The following POU6F2 variants were observed in gnomAD, a reference collection of about 807,000 sequenced individuals.
POU6F2 encodes POU domain, class 6, transcription factor 2.
Under a neutral mutation model 71.3 loss-of-function variants are expected in POU6F2, and 31 were observed. The ratio of observed to expected loss-of-function variants is 0.43; its 90% CI spans 0.33 to 0.59. The LOEUF (loss-of-function observed/expected upper bound fraction) is 0.59. Ranked by LOEUF, POU6F2 falls within the 20% of genes least tolerant of loss-of-function variation. The pLI, the probability that POU6F2 is intolerant of heterozygous loss-of-function variation, is 0.04. For missense variants in POU6F2, 783 were observed against 856.8 expected, an observed-to-expected ratio of 0.91 and a Z score of 1.07; for synonymous variants, 347 against 355.7, an observed-to-expected ratio of 0.98 and a Z score of 0.27.
At chr7:39,048,579 G>C (rs1263444202) in intron 1 of POU6F2, among the ~76,000 whole-genome samples, 1 of 151,862 alleles carries the variant, frequency 6.6e-6, no homozygotes. Context: ...TCTTTATCCA[G>C]TCTACCGTTG....
At chr7:39,239,876 G>A (rs983558869) in intron 4 of POU6F2, among the ~76,000 whole-genome samples, 2 of 152,024 alleles carry the variant, frequency 1.3e-5, no homozygotes, top group African/African-American at 2.4e-5. Context: ...ACAAAGAGGT[G>A]GAAAACTGTG....
chr7:39,449,291 A>G (rs1295250799), intron 7 of POU6F2, among the ~76,000 whole-genome samples: 1 of 152,194 alleles, frequency 6.6e-6, no homozygotes, highest in Non-Finnish European at 1.5e-5. Flanking sequence ...ATGCCATGTG[A>G]GTAGGGGAGC....
chr7:39,038,485 C>T (rs191547612), intron 1 of POU6F2, among the ~76,000 whole-genome samples: 1 of 151,884 alleles, frequency 6.6e-6, no homozygotes, highest in Admixed American at 6.6e-5. Flanking sequence ...TAGCAAAGAC[C>T]ATTTCCCAAG....
At chr7:39,199,530 A>G (rs1407589235) in intron 2 of POU6F2, among the ~76,000 whole-genome samples, 4 of 152,056 alleles carry the variant, frequency 2.6e-5, no homozygotes, top group South Asian at 4.1e-4. Flanking sequence ...TGAACTTGCT[A>G]TGAGGAGTGC....
At chr7:39,328,164 CT>C (rs1785557297) in intron 4 of POU6F2, among the ~76,000 whole-genome samples, 1 of 152,214 alleles carries the variant, frequency 6.6e-6, no homozygotes. Flanking sequence ...CGTGATCCAC[CT>C]GCCTTGGCCT....
intron 5 of POU6F2, among the ~76,000 whole-genome samples, chr7:39,350,302 G>A (rs904459823): frequency 1.1e-4 from 17 of 152,060 alleles, no homozygotes; most frequent in African/African-American, 4.1e-4. Flanking sequence ...TGTGACTGTG[G>A]CGTTTAAAGA....
intron 5 of POU6F2, among the ~76,000 whole-genome samples, chr7:39,386,923 C>A (rs1233950869): frequency 6.6e-6 from 1 of 152,242 alleles, no homozygotes; most frequent in East Asian, 1.9e-4. Context: ...GCAGCGCCCC[C>A]TTGCATTGGG....
At chr7:39,040,281 C>A (rs999401483) in intron 1 of POU6F2, among the ~76,000 whole-genome samples, 4 of 148,968 alleles carry the variant, frequency 2.7e-5, no homozygotes, top group Non-Finnish European at 4.5e-5. Context: ...TTCTTTATTT[C>A]TACTGCCATA....
intron 6 of POU6F2, among the ~76,000 whole-genome samples, chr7:39,416,013 T>A (rs921109369): frequency 1.3e-5 from 2 of 151,526 alleles, no homozygotes; most frequent in Admixed American, 6.6e-5. Context: ...TGTCACAAAC[T>A]CCAGAACCTT....
intron 2 of POU6F2, among the ~76,000 whole-genome samples, chr7:39,193,199 AT>A (rs35323991): frequency 6.6e-6 from 1 of 152,026 alleles, no homozygotes; most frequent in East Asian, 1.9e-4. Context: ...CATTATTAAC[AT>A]TTTTTTAAAG....
chr7:39,411,242 T>C (rs924162548), intron 6 of POU6F2, among the ~76,000 whole-genome samples: 3 of 152,208 alleles, frequency 2.0e-5, no homozygotes, highest in African/African-American at 7.2e-5. Context: ...TATGTGCTCT[T>C]AACACTTATT....
chr7:39,401,915 C>T (rs1484260935), intron 5 of POU6F2, among the ~76,000 whole-genome samples: 1 of 152,174 alleles, frequency 6.6e-6, no homozygotes, highest in Non-Finnish European at 1.5e-5. Flanking sequence ...GGTTTTGAGG[C>T]AGCTGCATTC....
chr7:39,304,285 C>A (rs1785010411), intron 4 of POU6F2, among the ~76,000 whole-genome samples: 1 of 152,100 alleles, frequency 6.6e-6, no homozygotes, highest in African/African-American at 2.4e-5. Context: ...TGAGCAAAGA[C>A]ATGAAAGAGA....
chr7:39,316,492 T>C (rs1357900318), intron 4 of POU6F2, among the ~76,000 whole-genome samples: 3 of 152,162 alleles, frequency 2.0e-5, no homozygotes, highest in African/African-American at 7.2e-5. Context: ...CCCTGAGTTT[T>C]CACCCAGTAC....
chr7:39,145,621 C>A (rs1423178838), intron 2 of POU6F2, among the ~76,000 whole-genome samples: 1 of 152,174 alleles, frequency 6.6e-6, no homozygotes, highest in Non-Finnish European at 1.5e-5. Flanking sequence ...CCTTTGACTG[C>A]AGTTAGGTAT....
At chr7:39,117,183 A>G (rs1791948182) in intron 2 of POU6F2, among the ~76,000 whole-genome samples, 1 of 152,228 alleles carries the variant, frequency 6.6e-6, no homozygotes, top group Non-Finnish European at 1.5e-5. Flanking sequence ...GTTACATAGT[A>G]AAATCATTAT....
chr7:39,375,545 C>T (rs1786694932), intron 5 of POU6F2, among the ~76,000 whole-genome samples: 1 of 151,990 alleles, frequency 6.6e-6, no homozygotes, highest in Non-Finnish European at 1.5e-5. Context: ...TCCCTTCTTC[C>T]TGGCTTACTG....
intron 9 of POU6F2, among the ~76,000 whole-genome samples, chr7:39,461,570 T>C (rs992582058): frequency 1.3e-5 from 2 of 152,232 alleles, no homozygotes; most frequent in Non-Finnish European, 2.9e-5. Context: ...TGGTGATCCA[T>C]GAAATGCTGT....
At chr7:39,340,149 C>A in intron 5 of POU6F2, 134 bp downstream of exon 5, 1 of 1,258,762 alleles carries the variant, frequency 7.9e-7, no homozygotes, top group South Asian at 1.9e-5. Context: ...AAATTGATCT[C>A]TTAGACATAG....
Sources: allele counts gnomAD v4.1 joint callset (sites outside exome capture counted in the v4.1 genomes callset), GRCh38; gene constraint gnomAD v4.1.1; transcripts MANE v1.5; gene names NCBI Gene and HGNC (gene_info 2026-07-23, HGNC 2026-07-21).